MID1: variants seen among roughly 807,000 people sequenced by gnomAD.
MID1 encodes the protein E3 ubiquitin-protein ligase Midline-1.
A neutral mutation model predicts 40.4 loss-of-function variants in MID1; 7 were observed. The ratio of observed to expected loss-of-function variants is 0.17; its 90% CI spans 0.10 to 0.33. The LOEUF is 0.33. Among genes scored for constraint, MID1 ranks in the 10% least tolerant of loss-of-function variants. The probability of loss-of-function intolerance (pLI) is 1.00; values close to 1 mark genes in which losing one functional copy is unlikely to be tolerated. For synonymous variants in MID1, 229 were observed against 221.2 expected (o/e 1.04, Z -0.31); for missense variants, 367 against 558.5 (o/e 0.66, Z 3.46).
At chrX:10,774,880 T>C (rs185393298) in intron 1 of MID1, among the ~76,000 whole-genome samples, 4 of 111,857 alleles carry the variant, frequency 3.6e-5, no homozygotes, top group Admixed American at 1.9e-4. Context: ...CTTTTTATTA[T>C]ATCTAAGTCC....
intron 2 of MID1, among the ~76,000 whole-genome samples, chrX:10,535,506 A>G (rs1169436629): frequency 8.9e-6 from 1 of 112,184 alleles, no homozygotes; most frequent in Non-Finnish European, 1.9e-5. Flanking sequence ...AACAGTGCTT[A>G]GCGGGGAAAC....
chrX:10,655,030 A>G (rs750339487), intron 1 of MID1, among the ~76,000 whole-genome samples: 7 of 112,431 alleles, frequency 6.2e-5, no homozygotes, highest in Non-Finnish European at 9.4e-5. Flanking sequence ...AGGAAATTAC[A>G]TAATATCTTA....
intron 1 of MID1, among the ~76,000 whole-genome samples, chrX:10,801,212 CTATT>C (rs2044004882): frequency 9.0e-6 from 1 of 111,720 alleles, no homozygotes; most frequent in Non-Finnish European, 1.9e-5. Context: ...AAAAATACTT[CTATT>C]TGTTTGATTT....
chrX:10,687,735 A>C (rs898747761), intron 1 of MID1, among the ~76,000 whole-genome samples: 4 of 111,943 alleles, frequency 3.6e-5, no homozygotes, highest in African/African-American at 9.7e-5. Flanking sequence ...TTTTAAAAAG[A>C]CAGGGTCTTG....
At chrX:10,460,264 C>A (rs1928944752) in intron 7 of MID1, among the ~76,000 whole-genome samples, 1 of 111,480 alleles carries the variant, frequency 9.0e-6, no homozygotes, top group South Asian at 3.8e-4. Flanking sequence ...CAGGGAACAG[C>A]TTTACCATGC....
chrX:10,706,095 T>C (rs774133261), intron 1 of MID1, among the ~76,000 whole-genome samples: 2 of 110,934 alleles, frequency 1.8e-5, no homozygotes, highest in South Asian at 7.7e-4. Flanking sequence ...ACCCACTAGA[T>C]GTTAAGAGCA....
At chrX:10,797,012 A>G (rs1273246932) in intron 1 of MID1, among the ~76,000 whole-genome samples, 3 of 111,201 alleles carry the variant, frequency 2.7e-5, no homozygotes, top group Non-Finnish European at 5.7e-5. Context: ...AAACTTCTTG[A>G]ATAAAGTGTG....
chrX:10,570,098 C>T (rs1250721630), intron 1 of MID1, among the ~76,000 whole-genome samples: 1 of 111,887 alleles, frequency 8.9e-6, no homozygotes, highest in African/African-American at 3.3e-5. Context: ...AGAAATTCAC[C>T]AGAATAAACC....
At chrX:10,650,857 C>T (rs752605395) in intron 1 of MID1, among the ~76,000 whole-genome samples, 2 of 110,444 alleles carry the variant, frequency 1.8e-5, no homozygotes, top group Non-Finnish European at 3.8e-5. Context: ...TTCCCTTTGC[C>T]CCTACAACCT....
chrX:10,492,489 G>A (rs1382060038), intron 4 of MID1, among the ~76,000 whole-genome samples: 1 of 111,701 alleles, frequency 9.0e-6, no homozygotes, highest in Non-Finnish European at 1.9e-5. Context: ...GAAACAGTGT[G>A]AACACAGGCT....
upstream of MID1, among the ~76,000 whole-genome samples, chrX:10,623,211 A>G (rs1935956005): frequency 9.4e-6 from 1 of 106,013 alleles, no homozygotes; most frequent in African/African-American, 3.5e-5. Flanking sequence ...AGGTTGTGCC[A>G]CTGCACTCCA....
rs956540299 is a variant in MID1 at position 10,446,638 on chromosome X, T to C, written c.*2730A>G. On this transcript the variant is annotated 3_prime_UTR_variant, in exon 10 of 10. Transcript: ENST00000317552. ...ACCAGGAAGAGAGGTACCACGTTTC[T>C]GAGTTCTTTTATGAGCACTCGCTAT... The C allele has an allele frequency of 1.1e-3, 127 of 112,405 alleles. 1 individual carries two copies. Among genetic ancestry groups the C allele is most frequent in the African/African-American group, 3.9e-3 (121 of 30,970 alleles). 9.3% of individuals were successfully genotyped at this position (112,405 alleles called of 1,213,427 possible). A position where few individuals can be genotyped will look rare whatever the true frequency, so the allele number is the denominator to read the frequency against.
At chrX:10,633,706 G>A (rs752218308) in intron 1 of MID1, among the ~76,000 whole-genome samples, 244 of 111,485 alleles carry the variant, frequency 2.2e-3, no homozygotes, top group African/African-American at 7.6e-3. Flanking sequence ...CTCCCGCCTT[G>A]GCCTCCCAAA....
intron 3 of MID1, among the ~76,000 whole-genome samples, chrX:10,521,642 G>A (rs1569082722): frequency 9.0e-6 from 1 of 111,512 alleles, no homozygotes; most frequent in Admixed American, 9.5e-5. Flanking sequence ...AAAGGAAGTG[G>A]CATCTATTTT....
At chrX:10,686,856 C>A (rs974676518) in intron 1 of MID1, among the ~76,000 whole-genome samples, 3 of 111,860 alleles carry the variant, frequency 2.7e-5, no homozygotes, top group African/African-American at 9.8e-5. Context: ...ATGTCCCTGT[C>A]TTTCTCAGGC....
At chrX:10,587,628 T>C (rs756585374) in intron 1 of MID1, among the ~76,000 whole-genome samples, 5 of 112,770 alleles carry the variant, frequency 4.4e-5, no homozygotes, top group African/African-American at 6.4e-5. Context: ...GCATAACAAT[T>C]GCTTTTGTTT....
rs757683034 is a variant in MID1, at chrX:10,649,006, C to G, written c.-186-28587G>C. Among the ~76,000 whole-genome samples, 4 of 111,994 alleles carry G rather than the reference C, an allele frequency of 3.6e-5. No individual in the cohort carries two copies. The East Asian group carries it at 1.1e-3, about 31-fold the overall frequency. ...ATTTCCTTAAGTTCACAACTTTGTT[C>G]ATGCTTTTTCACACATGCTTCTTGC... On this transcript the variant is annotated intron_variant, in intron 1 of 10. Coordinates refer to the MID1 transcript ENST00000380785.
intron 1 of MID1, among the ~76,000 whole-genome samples, chrX:10,607,386 G>A (rs747866970): frequency 2.7e-5 from 3 of 111,915 alleles, no homozygotes; most frequent in Non-Finnish European, 5.6e-5. Flanking sequence ...CTGGCATCCA[G>A]TTGCTTAAGG....
intron 7 of MID1, among the ~76,000 whole-genome samples, chrX:10,465,373 T>A (rs1929331857): frequency 9.3e-6 from 1 of 107,695 alleles, no homozygotes; most frequent in Admixed American, 1.0e-4. Context: ...CTGGTATTCA[T>A]AACTGTGTAA....
Sources: allele counts gnomAD v4.1 joint callset (sites outside exome capture counted in the v4.1 genomes callset), GRCh38; gene constraint gnomAD v4.1.1; transcripts MANE v1.5; gene names NCBI Gene and HGNC (gene_info 2026-07-23, HGNC 2026-07-21).